The following RIPK2 variants were observed in gnomAD, a reference collection of about 807,000 sequenced individuals.
RIPK2 encodes receptor-interacting serine/threonine-protein kinase 2.
In RIPK2, 38 loss-of-function variants were observed where a neutral mutation model predicts 60.9. The observed-to-expected ratio is 0.62, with a 90% CI of 0.48 to 0.82. The LOEUF is 0.82. Ranked by LOEUF, RIPK2 falls within the 40% of genes least tolerant of loss-of-function variation. The pLI, the probability that RIPK2 is intolerant of heterozygous loss-of-function variation, is 0.00. For synonymous variants in RIPK2, 225 were observed against 223.4 expected, an observed-to-expected ratio of 1.01 and a Z score of -0.06; for missense variants, 518 against 647.0, an observed-to-expected ratio of 0.80 and a Z score of 2.16.
intron 1 of RIPK2, chr8:89,759,242 A>G (rs763895691): frequency 2.2e-6 from 1 of 453,044 alleles, no homozygotes; most frequent in Non-Finnish European, 4.5e-6. Context: ...TTTCAGAAGA[A>G]CATTACAACC....
chr8:89,764,581 G>A (rs1035907900), intron 2 of RIPK2, among the ~76,000 whole-genome samples: 2 of 152,100 alleles, frequency 1.3e-5, no homozygotes, highest in Non-Finnish European at 2.9e-5. Context: ...CTCCTGGGAA[G>A]CCACATTAAC....
intron 6 of RIPK2, among the ~76,000 whole-genome samples, chr8:89,775,585 CAG>C (rs1318844800): frequency 6.6e-6 from 1 of 152,038 alleles, no homozygotes. Flanking sequence ...GTATCAGAAA[CAG>C]AATGCTGGAG....
chr8:89,783,043 GC>G (rs1809526129), intron 7 of RIPK2, among the ~76,000 whole-genome samples: 1 of 152,086 alleles, frequency 6.6e-6, no homozygotes, highest in African/African-American at 2.4e-5. Flanking sequence ...TGTGTATAAC[GC>G]CCTGTGCTAG....
chr8:89,777,077 G>A (rs1008647006), intron 6 of RIPK2, among the ~76,000 whole-genome samples: 1 of 152,200 alleles, frequency 6.6e-6, no homozygotes, highest in African/African-American at 2.4e-5. Flanking sequence ...GGTAGACCAA[G>A]GCAGACAGAC....
At chr8:89,782,643 GA>G (rs747253457) in intron 7 of RIPK2, among the ~76,000 whole-genome samples, 6,671 of 109,006 alleles carry the variant, frequency 0.061, 384 homozygotes, top group African/African-American at 0.17. Context: ...TGTCTCTTAA[GA>G]AAAAAAAAAA....
At chr8:89,785,056 C>A (rs889626327) in intron 8 of RIPK2, among the ~76,000 whole-genome samples, 3 of 152,190 alleles carry the variant, frequency 2.0e-5, no homozygotes, top group Non-Finnish European at 4.4e-5. Context: ...AAACACCTCC[C>A]ATTAAGCCCC....
At chr8:89,772,907 A>G in intron 6 of RIPK2, 79 bp downstream of exon 6, 1 of 1,007,342 alleles carries the variant, frequency 9.9e-7, no homozygotes, top group Non-Finnish European at 1.4e-6. Context: ...TCCTTGAAAA[A>G]TTGTGCAAAT....
intron 10 of RIPK2, among the ~76,000 whole-genome samples, chr8:89,789,789 A>C (rs1467794071): frequency 2.0e-5 from 3 of 152,154 alleles, no homozygotes; most frequent in African/African-American, 7.2e-5. Context: ...TGGACATCAA[A>C]CAAAACTGAA....
intron 6 of RIPK2, among the ~76,000 whole-genome samples, chr8:89,778,716 T>C (rs568880256): frequency 6.6e-6 from 1 of 152,322 alleles, no homozygotes; most frequent in Non-Finnish European, 1.5e-5. Flanking sequence ...CATTGGCCAG[T>C]TGATGAACAT....
At position 89,786,682 on chromosome 8, in the gene RIPK2, A is replaced by G. The variant is rs371304420; in HGVS notation, c.1119A>G (p.Leu373=). 8 of 1,527,230 alleles carry G rather than the reference A, an allele frequency of 5.2e-6. No individual in the cohort carries two copies. In the African/African-American group the frequency reaches 9.9e-5, roughly 19 times the overall value. The allele number at this position is 1,527,230 out of a possible 1,614,324, so 94.6% of individuals were successfully genotyped here. ...SLPAPQDNDF[L]SRKAQDCYFM... is the part of the protein sequence containing the mutation. ...CAGCTCCTCAAGACAATGATTTTTT[A>G]TCTAGTATGTAGATTTTCCAATCAT... Residue 373 remains leucine (L), a synonymous_variant, in exon 9 of 11, where the codon TTA becomes TTG. Coordinates refer to ENST00000220751, the MANE Select transcript of RIPK2 (RefSeq NM_003821.6).
intron 6 of RIPK2, among the ~76,000 whole-genome samples, chr8:89,779,487 T>C (rs1172462971): frequency 1.3e-5 from 2 of 151,622 alleles, no homozygotes; most frequent in Non-Finnish European, 2.9e-5. Flanking sequence ...GCTAATTTTC[T>C]TTTTTTGTAT....
intron 8 of RIPK2, among the ~76,000 whole-genome samples, chr8:89,786,031 T>G (rs1400369257): frequency 6.6e-6 from 1 of 152,220 alleles, no homozygotes; most frequent in Non-Finnish European, 1.5e-5. Flanking sequence ...GCATCTGAGA[T>G]CGTGTAGAAA....
intron 1 of RIPK2, chr8:89,759,534 C>G (rs1809110783): frequency 5.0e-6 from 2 of 398,440 alleles, no homozygotes; most frequent in Middle Eastern, 3.6e-4. Flanking sequence ...TCTTCATTGT[C>G]TCTCACTGTC....
At chr8:89,770,014 C>A in intron 4 of RIPK2, 85 bp downstream of exon 4, 2 of 1,083,580 alleles carry the variant, frequency 1.8e-6, no homozygotes, top group Non-Finnish European at 2.6e-6. Context: ...ACATTTTAAA[C>A]TGTGATTTTT....
intron 5 of RIPK2, 123 bp from the exon 6 acceptor site, chr8:89,772,544 G>C (rs186494446): frequency 2.8e-5 from 18 of 651,734 alleles, no homozygotes; most frequent in African/African-American, 1.7e-4. Flanking sequence ...TTACAGAAAG[G>C]GGGGTAAGGC....
At chr8:89,779,993 G>A in intron 6 of RIPK2, 82 bp from the exon 7 acceptor site, 1 of 684,032 alleles carries the variant, frequency 1.5e-6, no homozygotes, top group South Asian at 1.8e-5. Context: ...CTGACTTGAG[G>A]CCTTGTACAT....
At chr8:89,788,832 G>GAGGA (rs1211100105) in intron 9 of RIPK2, among the ~76,000 whole-genome samples, 76 of 151,808 alleles carry the variant, frequency 5.0e-4, no homozygotes, top group African/African-American at 1.6e-3. Flanking sequence ...GGCAGGGAGG[G>GAGGA]AGGAAGGAAG....
At chr8:89,781,354 A>ATTTTTTTTTTTTTT (rs58525879) in intron 7 of RIPK2, among the ~76,000 whole-genome samples, 4 of 143,950 alleles carry the variant, frequency 2.8e-5, no homozygotes, top group African/African-American at 1.0e-4. Flanking sequence ...AATAGATTGA[A>ATTTTTTTTTTTTTT]TTTTTTTTTT....
intron 6 of RIPK2, among the ~76,000 whole-genome samples, chr8:89,778,764 T>C (rs1427842943): frequency 1.3e-5 from 2 of 152,240 alleles, no homozygotes; most frequent in Non-Finnish European, 2.9e-5. Flanking sequence ...TGAATAATGC[T>C]GCTATGACTG....
Sources: allele counts gnomAD v4.1 joint callset (sites outside exome capture counted in the v4.1 genomes callset), GRCh38; gene constraint gnomAD v4.1.1; transcripts MANE v1.5; gene names NCBI Gene and HGNC (gene_info 2026-07-23, HGNC 2026-07-21).